The following SEL1L3 variants were observed in gnomAD, a reference collection of about 807,000 sequenced individuals.
SEL1L3 encodes the protein protein sel-1 homolog 3.
In SEL1L3, 76 loss-of-function variants were observed where a neutral mutation model predicts 142.8. The observed-to-expected ratio is 0.53, with a 90% CI of 0.44 to 0.64. SEL1L3 has a LOEUF of 0.64. SEL1L3 is among the 30% of genes least tolerant of loss of function. The pLI, the probability that SEL1L3 is intolerant of heterozygous loss-of-function variation, is 0.00. For synonymous variants in SEL1L3, 504 were observed against 519.6 expected (o/e 0.97, Z 0.41); for missense variants, 1,262 against 1,381.7 (o/e 0.91, Z 1.37).
chr4:25,729,085 T>C, the SEL1L3 span, among the ~76,000 whole-genome samples: 2 of 152,052 alleles, frequency 1.3e-5, no homozygotes, highest in Middle Eastern at 3.2e-3. Flanking sequence ...AAAAAAAGAA[T>C]GGATGATTCC....
the SEL1L3 span, among the ~76,000 whole-genome samples, chr4:25,738,580 G>A: frequency 2.0e-5 from 3 of 152,150 alleles, no homozygotes; most frequent in East Asian, 5.8e-4. Context: ...TGCCTTCAAA[G>A]ACACTCAGGT....
intron 1 of SEL1L3, among the ~76,000 whole-genome samples, chr4:25,857,916 A>T (rs1191793361): frequency 1.3e-5 from 2 of 152,250 alleles, no homozygotes; most frequent in South Asian, 2.1e-4. Flanking sequence ...AACCACAAAC[A>T]CACAAACACC....
chr4:25,857,992 C>G (rs1279574144), intron 1 of SEL1L3, among the ~76,000 whole-genome samples: 1 of 152,378 alleles, frequency 6.6e-6, no homozygotes, highest in Non-Finnish European at 1.5e-5. Context: ...CAAGGCCTGC[C>G]AAGGCAGAAT....
At chr4:25,854,262 G>T (rs115390309) in intron 1 of SEL1L3, among the ~76,000 whole-genome samples, 1 of 152,080 alleles carries the variant, frequency 6.6e-6, no homozygotes, top group African/African-American at 2.4e-5. Context: ...TATAGTTTGC[G>T]AACTGCTTTT....
intron 23 of SEL1L3, among the ~76,000 whole-genome samples, chr4:25,754,197 G>C (rs1056538786): frequency 6.6e-6 from 1 of 151,396 alleles, no homozygotes; most frequent in Non-Finnish European, 1.5e-5. Context: ...AGCTACTCGG[G>C]AGGCTGAGGC....
chr4:25,810,928 G>C (rs1239144416), intron 9 of SEL1L3, among the ~76,000 whole-genome samples: 1 of 152,212 alleles, frequency 6.6e-6, no homozygotes, highest in Non-Finnish European at 1.5e-5. Flanking sequence ...GGCGAGGAAC[G>C]GGTCCTGTTA....
Position 25,762,722 on chromosome 4 carries a change from C to G in SEL1L3, c.2955+2604G>C, listed in dbSNP as rs1363393024. Among the ~76,000 whole-genome samples the G allele has an allele frequency of 4.6e-5, 7 of 152,094 alleles. No homozygotes were observed. In the East Asian group the frequency reaches 1.4e-3, roughly 29 times the overall value. On this transcript the variant is annotated intron_variant, in intron 20 of 23. Coordinates refer to ENST00000399878, the MANE Select transcript of SEL1L3 (RefSeq NM_015187.5). Reference sequence around the variant, plus strand: ...GTGGCCAGGTGCGGTGCTCACCCCTCTAATCCCAGCACTTTGGGAGGCCAA... The same window carrying G: ...GTGGCCAGGTGCGGTGCTCACCCCTGTAATCCCAGCACTTTGGGAGGCCAA...
At chr4:25,820,182 C>T (rs1021545222) in intron 7 of SEL1L3, among the ~76,000 whole-genome samples, 1 of 152,222 alleles carries the variant, frequency 6.6e-6, no homozygotes, top group Admixed American at 6.5e-5. Flanking sequence ...GTCAGAATTT[C>T]CCAGAGACTG....
the SEL1L3 span, among the ~76,000 whole-genome samples, chr4:25,722,867 G>C: frequency 1.3e-5 from 2 of 152,082 alleles, no homozygotes; most frequent in Non-Finnish European, 2.9e-5. Context: ...ATAATAGTAT[G>C]CTTAATCAAT....
rs200435593 is a variant in SEL1L3, at chr4:25,761,185, A to AT, written c.2956-2118dup. ...GAGAAAAGAAAAAAATGGCTTTATGATTTTTTGTTTTGTTTTGTTGAGTGC... is the reference window on the plus strand; with the variant it reads ...GAGAAAAGAAAAAAATGGCTTTATGATTTTTTTGTTTTGTTTTGTTGAGTGC... On this transcript the variant is annotated intron_variant, in intron 20 of 23. Coordinates refer to ENST00000399878, the MANE Select transcript of SEL1L3 (RefSeq NM_015187.5). Among the ~76,000 whole-genome samples the AT allele has an allele frequency of 3.9e-3, 587 of 152,188 alleles. 4 individuals carry two copies. The highest frequency in any genetic ancestry group is 0.013 in the African/African-American group (541 of 41,534).
intron 9 of SEL1L3, 131 bp from the exon 10 acceptor site, chr4:25,804,883 A>G (rs1713448704): frequency 1.5e-6 from 1 of 675,006 alleles, no homozygotes; most frequent in African/African-American, 1.8e-5. Context: ...CTCAAAATAT[A>G]CCACCTTCCA....
chr4:25,731,955 T>A, the SEL1L3 span, among the ~76,000 whole-genome samples: 1 of 152,092 alleles, frequency 6.6e-6, no homozygotes, highest in Non-Finnish European at 1.5e-5. Flanking sequence ...GTGTCTGTAA[T>A]CCCAGCTTCT....
chr4:25,742,388 G>A, the SEL1L3 span, among the ~76,000 whole-genome samples: 1 of 152,200 alleles, frequency 6.6e-6, no homozygotes, highest in African/African-American at 2.4e-5. Context: ...GTTTCACCAT[G>A]TTGCCCTGGC....
chr4:25,729,067 G>A, the SEL1L3 span, among the ~76,000 whole-genome samples: 1 of 151,682 alleles, frequency 6.6e-6, no homozygotes, highest in Non-Finnish European at 1.5e-5. Flanking sequence ...ATGCAAAGAA[G>A]CCTTGGAAAA....
the SEL1L3 span, among the ~76,000 whole-genome samples, chr4:25,737,013 G>GTC: frequency 1.1e-5 from 1 of 88,738 alleles, no homozygotes; most frequent in Non-Finnish European, 2.7e-5. Context: ...TTGAGACAGA[G>GTC]TCTCACTGTC....
chr4:25,776,544 G>A, intron 16 of SEL1L3, 184 bp from the exon 17 acceptor site: 1 of 559,420 alleles, frequency 1.8e-6, no homozygotes, highest in South Asian at 2.2e-5. Flanking sequence ...TTCATTTAGT[G>A]CCCTTTCTTA....
chr4:25,728,218 A>G, the SEL1L3 span, among the ~76,000 whole-genome samples: 1 of 152,182 alleles, frequency 6.6e-6, no homozygotes, highest in Non-Finnish European at 1.5e-5. Context: ...CTGCTCTGCA[A>G]GCTATCAGAT....
chr4:25,792,305 A>T (rs1288300766), intron 11 of SEL1L3, among the ~76,000 whole-genome samples: 1 of 152,192 alleles, frequency 6.6e-6, no homozygotes, highest in East Asian at 1.9e-4. Context: ...GAAACCATGA[A>T]CTCCAGGTGA....
At chr4:25,733,668 G>A in the SEL1L3 span, among the ~76,000 whole-genome samples, 16 of 151,596 alleles carry the variant, frequency 1.1e-4, no homozygotes, top group Middle Eastern at 3.4e-3. Flanking sequence ...CTACAGGCGC[G>A]CACCACCGCG....
Sources: allele counts gnomAD v4.1 joint callset (sites outside exome capture counted in the v4.1 genomes callset), GRCh38; gene constraint gnomAD v4.1.1; transcripts MANE v1.5; gene names NCBI Gene and HGNC (gene_info 2026-07-23, HGNC 2026-07-21).